Variants in ASH1L observed in about 807,000 individuals in gnomAD.
ASH1L encodes histone-lysine N-methyltransferase ASH1L.
Under a neutral mutation model 269.0 loss-of-function variants are expected in ASH1L, and 23 were observed. The ratio of observed to expected loss-of-function variants is 0.09; its 90% CI spans 0.06 to 0.12. The LOEUF is 0.12. Among genes scored for constraint, ASH1L ranks in the 10% least tolerant of loss-of-function variants. The pLI is 1.00. For missense variants in ASH1L, 2,912 were observed against 3,567.8 expected (o/e 0.82, Z 4.68); for synonymous variants, 1,187 against 1,253.5 (o/e 0.95, Z 1.12).
intron 2 of ASH1L, among the ~76,000 whole-genome samples, chr1:155,493,192 C>A (rs1035765726): frequency 3.3e-5 from 5 of 152,168 alleles, no homozygotes; most frequent in Non-Finnish European, 7.3e-5. Flanking sequence ...AATATCACCA[C>A]TACTTTAATA....
rs556157128 is a variant in ASH1L, at chr1:155,453,927, C to T, written c.5086+5870G>A. 7.0e-3 allele frequency among the ~76,000 whole-genome samples: 1,070 copies of T among 152,236 alleles called. 6 individuals are homozygous for T. The highest frequency in any genetic ancestry group is 0.01 in the Non-Finnish European group (705 of 68,008). On this transcript the variant is annotated intron_variant, in intron 4 of 27. Coordinates refer to ENST00000392403, the MANE Select transcript of ASH1L (RefSeq NM_018489.3). Reference sequence around the variant, plus strand: ...ACCATCCTGGCTAACACGGTGAAACCCCGTCTCTACTAAAAATACAAAAAG... The same window carrying T: ...ACCATCCTGGCTAACACGGTGAAACTCCGTCTCTACTAAAAATACAAAAAG...
intron 5 of ASH1L, among the ~76,000 whole-genome samples, chr1:155,437,444 A>C (rs1662194219): frequency 6.6e-6 from 1 of 152,222 alleles, no homozygotes; most frequent in Admixed American, 6.5e-5. Context: ...AAAAATTGAA[A>C]ATAGCAAGTG....
chr1:155,433,959 T>G (rs1405807231), intron 5 of ASH1L: 1 of 1,580,280 alleles, frequency 6.3e-7, no homozygotes, highest in Non-Finnish European at 8.6e-7. Context: ...CTGCAGCAGA[T>G]CAGCCACATC....
intron 19 of ASH1L, among the ~76,000 whole-genome samples, chr1:155,348,884 TAAAAA>T (rs66853194): frequency 1.1e-5 from 1 of 91,834 alleles, no homozygotes; most frequent in South Asian, 4.2e-4. Context: ...CTGTCTCATT[TAAAAA>T]AAAAAAAAAA....
intron 2 of ASH1L, among the ~76,000 whole-genome samples, chr1:155,509,574 C>T (rs1445286839): frequency 6.6e-6 from 1 of 151,992 alleles, no homozygotes. Context: ...CAAAGCAGGC[C>T]GATCACCTGA....
intron 4 of ASH1L, among the ~76,000 whole-genome samples, chr1:155,443,770 T>C (rs192875515): frequency 1.3e-5 from 2 of 152,336 alleles, no homozygotes; most frequent in East Asian, 3.9e-4. Context: ...TTCTTTTTAC[T>C]GTTCCTTTTT....
chr1:155,501,289 A>G (rs1296267862), intron 2 of ASH1L, among the ~76,000 whole-genome samples: 1 of 152,172 alleles, frequency 6.6e-6, no homozygotes, highest in African/African-American at 2.4e-5. Flanking sequence ...TCCTGCCTCA[A>G]GTCTTCTGAG....
rs1418458228 is a variant in ASH1L, at chr1:155,344,090, TATGGAGACAATGACTATG to T, written c.7981+75_7981+92del. ...TATATTCTATTGCTATTCGAGGCCG[TATGGAGACAATGACTATG>T]ATGGAGACAGCAGAGACTTCCTACT... On this transcript the variant is annotated intron_variant, in intron 22 of 27. Coordinates refer to ENST00000392403, the MANE Select transcript of ASH1L (RefSeq NM_018489.3). The T allele has an allele frequency of 2.6e-4, 292 of 1,122,236 alleles. 1 individual carries two copies. In the East Asian group the frequency reaches 6.8e-3, roughly 26 times the overall value. The allele number at this position is 1,122,236 out of a possible 1,614,324, so 69.5% of individuals were successfully genotyped here.
In ASH1L at chr1:155,478,347, C is replaced by T. The variant is rs1464200331; in HGVS notation, c.4523G>A (p.Arg1508Gln). The T allele has an allele frequency of 5.6e-6, 9 of 1,613,990 alleles. No individual in the cohort carries two copies. Among genetic ancestry groups the T allele is most frequent in the East Asian group, 2.2e-5 (1 of 44,878 alleles). The stretch of plus-strand genomic sequence containing the variant: ...GCGCTTCAAAGATTCCAGGACAGAT[C>T]GGGAAGAGCCAGTGTCCATAGAAAC... ...PQVSMDTGSS[R>Q]SVLESLKRYR... The change falls in exon 3 of 28, where the codon CGA becomes CAA. Residue 1508 changes from arginine (R) to glutamine (Q), a missense_variant. Physicochemically the swap from Arg to Gln is conservative, Grantham distance 43. Transcript: ENST00000392403. The surrounding 1 kb of genome is among the most constrained non-coding windows in gnomAD (Gnocchi z 4.6).
At chr1:155,560,110 C>G (rs1387329885) in intron 1 of ASH1L, among the ~76,000 whole-genome samples, 1 of 152,170 alleles carries the variant, frequency 6.6e-6, no homozygotes, top group Non-Finnish European at 1.5e-5. Context: ...ATCTTAAACT[C>G]ATACTAACAT....
At chr1:155,556,553 T>G (rs1671604828) in intron 1 of ASH1L, among the ~76,000 whole-genome samples, 1 of 152,024 alleles carries the variant, frequency 6.6e-6, no homozygotes, top group Admixed American at 6.6e-5. Flanking sequence ...CAACTGATTC[T>G]TCTGCCTTAG....
At chr1:155,524,552 G>C (rs983401144) in intron 1 of ASH1L, among the ~76,000 whole-genome samples, 2 of 150,768 alleles carry the variant, frequency 1.3e-5, no homozygotes, top group Admixed American at 6.6e-5. Context: ...TACAAAGTTA[G>C]CTGTGCACAG....
rs762983554 is a variant in ASH1L, at chr1:155,366,482, T to C, written c.6686+4022A>G. Among the ~76,000 whole-genome samples the C allele has an allele frequency of 2.0e-4, 30 of 152,184 alleles. 1 individual carries two copies. The highest frequency in any genetic ancestry group is 1.4e-3 in the Admixed American group (21 of 15,264). Reference sequence around the variant, plus strand: ...TTCTTTTATTCCTTTACTTTCTTAATAAACTTCCTTTCACTTAAAAAAAAC... The same window carrying C: ...TTCTTTTATTCCTTTACTTTCTTAACAAACTTCCTTTCACTTAAAAAAAAC... On this transcript the variant is annotated intron_variant, in intron 12 of 27. Transcript: ENST00000392403.
intron 7 of ASH1L, among the ~76,000 whole-genome samples, chr1:155,389,429 T>C (rs1258299950): frequency 1.3e-5 from 2 of 152,054 alleles, no homozygotes; most frequent in Non-Finnish European, 2.9e-5. Flanking sequence ...TCCCAGCACT[T>C]TGGAAGGACG....
intron 19 of ASH1L, 61 bp from the exon 20 acceptor site, chr1:155,347,965 TA>T: frequency 6.3e-7 from 1 of 1,599,044 alleles, no homozygotes. Flanking sequence ...ACAATTTACC[TA>T]AAGAGGTAGC....
chr1:155,506,407 C>A (rs909300129), intron 2 of ASH1L, among the ~76,000 whole-genome samples: 1 of 152,130 alleles, frequency 6.6e-6, no homozygotes, highest in African/African-American at 2.4e-5. Context: ...ATTTAAGAAA[C>A]AACATTAGGC....
chr1:155,448,390 A>G (rs181768088), intron 4 of ASH1L, among the ~76,000 whole-genome samples: 19 of 152,238 alleles, frequency 1.2e-4, no homozygotes, highest in Admixed American at 1.2e-3. Context: ...GGTCTTGCCA[A>G]GGTGCTCAGA....
At chr1:155,505,092 TG>T (rs1217505628) in intron 2 of ASH1L, among the ~76,000 whole-genome samples, 2 of 152,190 alleles carry the variant, frequency 1.3e-5, no homozygotes, top group Non-Finnish European at 2.9e-5. Flanking sequence ...CAATTCTTTT[TG>T]TTTTTTTCCA....
At chr1:155,556,451 T>C (rs1177978986) in intron 1 of ASH1L, among the ~76,000 whole-genome samples, 2 of 151,646 alleles carry the variant, frequency 1.3e-5, no homozygotes, top group Admixed American at 6.6e-5. Flanking sequence ...TGTGTATATA[T>C]ATATATTTTT....
Sources: gnomAD v4.1 joint callset for allele counts (sites outside exome capture counted in the v4.1 genomes callset) on GRCh38, gnomAD v4.1.1 for gene constraint, Gnocchi (gnomAD v3.1) non-coding constraint, MANE v1.5 for transcripts, NCBI Gene and HGNC (gene_info 2026-07-23, HGNC 2026-07-21) for gene names.